TRIP12: variants seen among roughly 807,000 people sequenced by gnomAD.
The protein encoded by TRIP12 is thyroid hormone receptor interactor 12.
In TRIP12, 25 loss-of-function variants were observed where a neutral mutation model predicts 244.2. That is an observed-to-expected ratio of 0.10 (90% CI 0.07 to 0.14). The LOEUF (loss-of-function observed/expected upper bound fraction) is 0.14, where lower values mean the gene tolerates loss of function less well. Among genes scored for constraint, TRIP12 ranks in the 10% least tolerant of loss-of-function variants. The pLI is 1.00. For synonymous variants in TRIP12, 905 were observed against 873.1 expected, an observed-to-expected ratio of 1.04 and a Z score of -0.64; for missense variants, 1,677 against 2,486.4, an observed-to-expected ratio of 0.67 and a Z score of 6.92.
chr2:229,895,291 T>C (rs913980393), intron 1 of TRIP12, among the ~76,000 whole-genome samples: 4 of 152,090 alleles, frequency 2.6e-5, no homozygotes, highest in Admixed American at 6.6e-5. Flanking sequence ...GAAGGAATTA[T>C]ATAAAATATA....
At chr2:229,798,795 C>T (rs2043455631) in intron 23 of TRIP12, 80 bp downstream of exon 23, 1 of 1,482,696 alleles carries the variant, frequency 6.7e-7, no homozygotes, top group Non-Finnish European at 9.2e-7. Context: ...CGTCTCCACA[C>T]AATAAACGTA....
In TRIP12 at chr2:229,771,573, A is replaced by G. The variant is rs1458150819; in HGVS notation, c.5754T>C (p.Asp1918=). 1.2e-6 allele frequency: 2 copies of G among 1,614,024 alleles called. No individual in the cohort carries two copies. Among genetic ancestry groups the G allele is most frequent in the African/African-American group, 2.7e-5 (2 of 74,944 alleles). ...GVSRQFDSFR[D]GFESVFPLSH... ...TGAGTGGGAAGACTGATTCAAATCC[A>G]TCTCTGAACGAATCAAATTGCCTAG... Residue 1918 remains aspartate, a synonymous_variant, in exon 39 of 42, where the codon GAT becomes GAC. Transcript: ENST00000675903.
intron 9 of TRIP12, among the ~76,000 whole-genome samples, chr2:229,816,490 T>C (rs1311560240): frequency 6.6e-6 from 1 of 152,178 alleles, no homozygotes; most frequent in Non-Finnish European, 1.5e-5. Context: ...CAGATACCCT[T>C]TCACCAAAAA....
chr2:229,908,648 G>C (rs2073531661), intron 1 of TRIP12, among the ~76,000 whole-genome samples: 1 of 151,782 alleles, frequency 6.6e-6, no homozygotes, highest in Non-Finnish European at 1.5e-5. Flanking sequence ...CAGGAGAATG[G>C]CATGAACCCG....
chr2:229,808,427 C>G, intron 15 of TRIP12, 58 bp from the exon 16 acceptor site: 1 of 1,081,028 alleles, frequency 9.3e-7, no homozygotes, highest in South Asian at 1.3e-5. Flanking sequence ...CTACCTCATT[C>G]AAAGGCAAAC....
intron 39 of TRIP12, among the ~76,000 whole-genome samples, chr2:229,770,777 A>G (rs911173433): frequency 6.6e-6 from 1 of 152,154 alleles, no homozygotes; most frequent in Non-Finnish European, 1.5e-5. Flanking sequence ...GGCTATTCTC[A>G]TAATAGTGAA....
At position 229,815,276 on chromosome 2, in the gene TRIP12, A is replaced by G. The variant is rs1303336589; in HGVS notation, c.1632T>C (p.Asp544=). ...AAAAAATACAATATATACTTACAAT[A>G]TCAAAATTGTGCTCCATCTGAAGTA... ...ITLLQMEHNF[D]IMNHACRALT... Residue 544 remains aspartate, a synonymous_variant, in exon 10 of 42, where the codon GAT becomes GAC. Coordinates refer to ENST00000675903, the MANE Select transcript of TRIP12 (RefSeq NM_001348323.3). 2 of 1,486,550 alleles carry G rather than the reference A, an allele frequency of 1.3e-6. No individual in the cohort carries two copies. Among genetic ancestry groups the G allele is most frequent in the South Asian group, 2.3e-5 (2 of 86,092 alleles). The allele number at this position is 1,486,550 out of a possible 1,614,324, so 92.1% of individuals were successfully genotyped here.
chr2:229,903,232 G>T (rs7588417), intron 1 of TRIP12, among the ~76,000 whole-genome samples: 4,545 of 152,108 alleles, frequency 0.03, 235 homozygotes, highest in African/African-American at 0.1. Flanking sequence ...ACCACTTGCT[G>T]CTTAGAATGG....
intron 1 of TRIP12, among the ~76,000 whole-genome samples, chr2:229,900,138 A>G (rs1029732264): frequency 6.6e-6 from 1 of 152,250 alleles, no homozygotes; most frequent in Non-Finnish European, 1.5e-5. Context: ...TGTTATACAA[A>G]GGAAGCTCTT....
chr2:229,838,039 A>G (rs1402714567), intron 5 of TRIP12, among the ~76,000 whole-genome samples: 1 of 152,230 alleles, frequency 6.6e-6, no homozygotes, highest in African/African-American at 2.4e-5. Flanking sequence ...CAAGAAAGGC[A>G]GAAACCTGTT....
At chr2:229,845,402 G>A (rs1161288895) in intron 4 of TRIP12, among the ~76,000 whole-genome samples, 1 of 152,136 alleles carries the variant, frequency 6.6e-6, no homozygotes, top group Non-Finnish European at 1.5e-5. Flanking sequence ...AGCTATGAAT[G>A]GTTTATACAT....
intron 1 of TRIP12, among the ~76,000 whole-genome samples, chr2:229,899,076 A>AT (rs2069808402): frequency 6.6e-6 from 1 of 152,232 alleles, no homozygotes; most frequent in Admixed American, 6.5e-5. Context: ...AGAGAAAAAC[A>AT]TTAAGAAACC....
At position 229,769,262 on chromosome 2, in the gene TRIP12, A is replaced by C; in HGVS notation, c.5872T>G (p.Cys1958Gly). 1 of 1,614,086 alleles carries C rather than the reference A, an allele frequency of 6.2e-7. No homozygotes were observed. The highest frequency in any genetic ancestry group is 8.5e-7 in the Non-Finnish European group (1 of 1,179,996). Residue 1958 changes from cysteine to glycine, a missense_variant, in exon 40 of 42, where the codon TGT (cysteine) becomes GGT (glycine). By Grantham distance (159) the Cys-to-Gly change is radical. Around this residue, in one of 11 missense-constraint regions of TRIP12, gnomAD observed 171 missense variants for 388.4 expected, o/e 0.44. Transcript: ENST00000675903. ...TGAGTATAACCATGATCAGGCCTAC[A>C]GCATTCCATCAGTGTCTTTGCATCC... ...TWDAKTLMEC[C>G]RPDHGYTHDS...
intron 2 of TRIP12, among the ~76,000 whole-genome samples, chr2:229,875,801 G>A (rs34907745): frequency 1.3e-5 from 2 of 152,178 alleles, no homozygotes; most frequent in South Asian, 2.1e-4. Context: ...TTCAGGAAAC[G>A]AAGGCTACAA....
intron 1 of TRIP12, among the ~76,000 whole-genome samples, chr2:229,919,970 T>C (rs908440468): frequency 3.9e-5 from 6 of 152,222 alleles, no homozygotes; most frequent in African/African-American, 1.4e-4. Context: ...ACACTTAATA[T>C]TGATCACTTT....
At chr2:229,855,506 T>C (rs1242957267) in intron 4 of TRIP12, among the ~76,000 whole-genome samples, 2 of 147,878 alleles carry the variant, frequency 1.4e-5, no homozygotes, top group South Asian at 2.1e-4. Context: ...ATACTATCAA[T>C]GAAGGACCAA....
At chr2:229,858,227 G>T (rs148831312) in intron 4 of TRIP12, among the ~76,000 whole-genome samples, 1 of 152,220 alleles carries the variant, frequency 6.6e-6, no homozygotes, top group African/African-American at 2.4e-5. Context: ...ACCCAGGCAT[G>T]GTGTGCACAC....
In TRIP12 at chr2:229,791,264, G is replaced by A. The variant is rs1477467593; in HGVS notation, c.4416-13C>T. On this transcript the variant is annotated splice_polypyrimidine_tract_variant and intron_variant, in intron 29 of 41. Coordinates refer to ENST00000675903, the MANE Select transcript of TRIP12 (RefSeq NM_001348323.3). Reference sequence around the variant, plus strand: ...CACAGGTTTATACCTAAAATGACAAGACAGTATATAAACCAAATGTAGATT... The same window carrying A: ...CACAGGTTTATACCTAAAATGACAAAACAGTATATAAACCAAATGTAGATT... 6.2e-7 allele frequency: 1 copy of A among 1,613,432 alleles called. No homozygotes were observed. The highest frequency in any genetic ancestry group is 8.5e-7 in the Non-Finnish European group (1 of 1,179,814).
intron 1 of TRIP12, among the ~76,000 whole-genome samples, chr2:229,883,879 G>A (rs945891765): frequency 5.3e-5 from 8 of 152,076 alleles, no homozygotes; most frequent in Admixed American, 1.3e-4. Context: ...TCGGCTGGGC[G>A]CGGTGGCTCA....
Sources: allele counts gnomAD v4.1 joint callset (sites outside exome capture counted in the v4.1 genomes callset), GRCh38; gene constraint gnomAD v4.1.1; regional missense constraint gnomAD v4.1.1; transcripts MANE v1.5; gene names NCBI Gene and HGNC (gene_info 2026-07-23, HGNC 2026-07-21).